Variants in UMODL1 observed in about 807,000 individuals in gnomAD.
UMODL1 encodes the protein uromodulin-like 1.
In UMODL1, 128 loss-of-function variants were observed where a neutral mutation model predicts 136.3. The ratio of observed to expected loss-of-function variants is 0.94; its 90% CI spans 0.81 to 1.09. UMODL1 has a LOEUF of 1.09. UMODL1 is among the 50% of genes least tolerant of loss of function. The pLI is 0.00. For missense variants in UMODL1, 1,766 were observed against 1,725.6 expected (o/e 1.02, Z -0.41); for synonymous variants, 721 against 720.0 (o/e 1.00, Z -0.02).
intron 6 of UMODL1, among the ~76,000 whole-genome samples, chr21:42,098,565 A>C (rs1043632840): frequency 1.3e-5 from 2 of 152,094 alleles, no homozygotes; most frequent in African/African-American, 4.8e-5. Flanking sequence ...TCAGGAGTTC[A>C]AGACCATCCT....
In UMODL1 at chr21:42,099,069, C is replaced by A. The variant is rs1417044776; in HGVS notation, c.1075C>A (p.Gln359Lys). 2 of 1,614,234 alleles carry A rather than the reference C, an allele frequency of 1.2e-6. No homozygotes were observed. Among genetic ancestry groups the A allele is most frequent in the Non-Finnish European group, 1.7e-6 (2 of 1,180,042 alleles). The stretch of plus-strand genomic sequence containing the variant: ...GGAGTTGCTCAGGAGCGCCAGGACA[C>A]AGAGCCAGGCACTGGCAGTGGCTGG... ...GMELLRSART[Q>K]SQALAVAGLE... Residue 359 changes from glutamine to lysine, a missense_variant, in exon 7 of 23, where the codon CAG becomes AAG. Coordinates refer to ENST00000408910, the MANE Select transcript of UMODL1 (RefSeq NM_001004416.3). This position sits in a 1 kb window ranked among gnomAD's most constrained non-coding sequence, Gnocchi z 4.1.
At chr21:42,073,301 C>T (rs2066252833) in intron 1 of UMODL1, among the ~76,000 whole-genome samples, 1 of 152,216 alleles carries the variant, frequency 6.6e-6, no homozygotes, top group African/African-American at 2.4e-5. Context: ...CATATTCCAC[C>T]GTTCTTCATG....
upstream of UMODL1, among the ~76,000 whole-genome samples, chr21:42,066,624 C>T (rs1434167261): frequency 4.6e-5 from 7 of 152,204 alleles, no homozygotes; most frequent in African/African-American, 2.4e-5. Flanking sequence ...GCTGCAAAAC[C>T]ACCTCCTGTC....
At chr21:42,092,314 G>A (rs761327692) in intron 6 of UMODL1, among the ~76,000 whole-genome samples, 4 of 152,188 alleles carry the variant, frequency 2.6e-5, no homozygotes, top group Non-Finnish European at 4.4e-5. Flanking sequence ...AAAGACAGGC[G>A]AAGCTGATCC....
Position 42,122,874 on chromosome 21 carries a change from G to C in UMODL1, c.2871G>C (p.Arg957Ser). ...AAACCTGGGCCACCAGCCCAGAGAG[G>C]CCTCTCACCACAGCAGGGACCAAGG... The part of the protein sequence containing the change: ...GNETWATSPE[R>S]PLTTAGTKAA... Residue 957 changes from arginine to serine, a missense_variant, in exon 17 of 23, where the codon AGG becomes AGC. Physicochemically the swap from Arg to Ser is moderately radical, Grantham distance 110. Coordinates refer to ENST00000408910, the MANE Select transcript of UMODL1 (RefSeq NM_001004416.3). This position sits in a 1 kb window ranked among gnomAD's most constrained non-coding sequence, Gnocchi z 4.3. The C allele has an allele frequency of 6.2e-7, 1 of 1,609,444 alleles. No homozygotes were observed. Among genetic ancestry groups the C allele is most frequent in the Non-Finnish European group, 8.5e-7 (1 of 1,176,492 alleles).
intron 1 of UMODL1, among the ~76,000 whole-genome samples, chr21:42,075,017 G>T (rs767497846): frequency 1.8e-4 from 28 of 151,940 alleles, no homozygotes; most frequent in Non-Finnish European, 3.5e-4. Flanking sequence ...TTCTGCCTCA[G>T]CCTCCCAAGT....
chr21:42,104,338 G>A (rs113099354), intron 9 of UMODL1, among the ~76,000 whole-genome samples: 95 of 152,340 alleles, frequency 6.2e-4, no homozygotes, highest in African/African-American at 2.2e-3. Context: ...AGGGACAGGA[G>A]TTCACTGTGT....
chr21:42,139,211 G>A (rs1043090814), intron 22 of UMODL1, among the ~76,000 whole-genome samples: 1 of 152,170 alleles, frequency 6.6e-6, no homozygotes, highest in African/African-American at 2.4e-5. Context: ...GGCTTATCTG[G>A]CAGCGTGTGA....
intron 15 of UMODL1, among the ~76,000 whole-genome samples, chr21:42,119,864 T>C (rs2066947183): frequency 6.6e-6 from 1 of 152,130 alleles, no homozygotes; most frequent in Admixed American, 6.6e-5. Flanking sequence ...CTAAAGAAAA[T>C]ACGATTTTTA....
intron 12 of UMODL1, among the ~76,000 whole-genome samples, chr21:42,112,029 T>C (rs1009621605): frequency 6.6e-6 from 1 of 151,952 alleles, no homozygotes; most frequent in Admixed American, 6.6e-5. Flanking sequence ...GCTGGAGCCA[T>C]CCCCTGAGGT....
At chr21:42,084,710 T>A (rs1317714363) in intron 3 of UMODL1, among the ~76,000 whole-genome samples, 1 of 151,542 alleles carries the variant, frequency 6.6e-6, no homozygotes, top group East Asian at 1.9e-4. Context: ...GAGAATGGGA[T>A]GGCCTATACA....
rs771364124 is a variant in UMODL1 at position 42,109,626 on chromosome 21, G to C, written c.1584G>C (p.Leu528=). The C allele has an allele frequency of 1.2e-6, 2 of 1,610,676 alleles. No individual in the cohort carries two copies. Among genetic ancestry groups the C allele is most frequent in the Non-Finnish European group, 1.7e-6 (2 of 1,180,004 alleles). ...CACCGGCTGCCTGGTGCATCAACCTGGAGGGCTCCTACACCTGCCAGTGCC... is the reference window on the plus strand; with the variant it reads ...CACCGGCTGCCTGGTGCATCAACCTCGAGGGCTCCTACACCTGCCAGTGCC... ...DCSPAAWCIN[L]EGSYTCQCRT... Residue 528 remains leucine, a synonymous_variant, in exon 10 of 23, where the codon CTG becomes CTC. Coordinates refer to ENST00000408910, the MANE Select transcript of UMODL1 (RefSeq NM_001004416.3).
In UMODL1 at chr21:42,090,427, T is replaced by A; in HGVS notation, c.920T>A (p.Leu307Gln). 6.2e-7 allele frequency: 1 copy of A among 1,613,934 alleles called. No homozygotes were observed. Among genetic ancestry groups the A allele is most frequent in the Non-Finnish European group, 8.5e-7 (1 of 1,179,936 alleles). Residue 307 changes from leucine to glutamine, a missense_variant, in exon 6 of 23, where the codon CTG becomes CAG. Physicochemically the swap from Leu to Gln is moderately radical, Grantham distance 113. Transcript: ENST00000408910. ...GCCACGTCTCCACGGAAGCTGAACC[T>A]GGAGTGGGAAGGTAATGGCTAGGCT... is the stretch of plus-strand genomic sequence containing the variant. ...APATSPRKLN[L>Q]EWEDCPPVSD...
rs769129704 is a variant in UMODL1, at chr21:42,121,182, GC to G, written c.2790del (p.Asp931ThrfsTer53). 2.5e-6 allele frequency: 4 copies of G among 1,614,012 alleles called. No homozygotes were observed. The highest frequency in any genetic ancestry group is 3.4e-6 in the Non-Finnish European group (4 of 1,179,978). Reference sequence around the variant, plus strand: ...TTTCACTTGTAGCTGCGAGGGAGGAGCCCCCGACTTCCCTGTGGAATATTCT... The same window carrying G: ...TTTCACTTGTAGCTGCGAGGGAGGAGCCCCGACTTCCCTGTGGAATATTCT... ...GSFTCSCEGG[A>X]PDFPVEYSER... On this transcript the variant is annotated frameshift_variant, in exon 16 of 23. Coordinates refer to ENST00000408910, the MANE Select transcript of UMODL1 (RefSeq NM_001004416.3). LOFTEE classifies it high-confidence loss of function.
chr21:42,087,132 A>G (rs2066435306), intron 4 of UMODL1, among the ~76,000 whole-genome samples: 1 of 152,036 alleles, frequency 6.6e-6, no homozygotes, highest in Non-Finnish European at 1.5e-5. Flanking sequence ...GCTGCGTGAC[A>G]CCTGCTGTCT....
chr21:42,127,360 T>C lies in UMODL1; in HGVS notation c.3530+118T>C, dbSNP rs1405419377. 4.1e-6 allele frequency: 4 copies of C among 980,160 alleles called. No homozygotes were observed. In the Admixed American group the frequency reaches 7.6e-5, roughly 19 times the overall value. The allele number at this position is 980,160 out of a possible 1,614,324, so 60.7% of individuals were successfully genotyped here. A position where few individuals can be genotyped will look rare whatever the true frequency, so the allele number is the denominator to read the frequency against. ...GCAATGCCCAGGGCTTCATTAACAA[T>C]AGGTAGGGCTCAGGAGTGCAGGCAC... On this transcript the variant is annotated intron_variant, in intron 19 of 22. Coordinates refer to ENST00000408910, the MANE Select transcript of UMODL1 (RefSeq NM_001004416.3).
chr21:42,136,727 T>TA (rs548176211), intron 21 of UMODL1, among the ~76,000 whole-genome samples: 77 of 132,518 alleles, frequency 5.8e-4, no homozygotes, highest in African/African-American at 1.9e-3. Context: ...TTCTTTTTTT[T>TA]TGTTTCTTGT....
chr21:42,105,801 G>A (rs1012632898), intron 9 of UMODL1, among the ~76,000 whole-genome samples: 13 of 151,994 alleles, frequency 8.6e-5, no homozygotes, highest in Non-Finnish European at 1.3e-4. Context: ...CCTCCGGAAC[G>A]GCGGGAATAC....
At chr21:42,113,361 T>C (rs1246655526) in intron 12 of UMODL1, among the ~76,000 whole-genome samples, 1 of 152,100 alleles carries the variant, frequency 6.6e-6, no homozygotes, top group East Asian at 1.9e-4. Flanking sequence ...AGCCATTTGC[T>C]ATCATCCCAA....
Sources: gnomAD v4.1 joint callset for allele counts (sites outside exome capture counted in the v4.1 genomes callset) on GRCh38, gnomAD v4.1.1 for gene constraint, Gnocchi (gnomAD v3.1) non-coding constraint, MANE v1.5 for transcripts, NCBI Gene and HGNC (gene_info 2026-07-23, HGNC 2026-07-21) for gene names.